TENM3: variants seen among roughly 807,000 people sequenced by gnomAD.
TENM3 encodes teneurin-3.
In TENM3, 63 loss-of-function variants were observed where a neutral mutation model predicts 255.1. The ratio of observed to expected loss-of-function variants is 0.25; its 90% confidence interval spans 0.20 to 0.30. The LOEUF (loss-of-function observed/expected upper bound fraction) is 0.30. Among genes scored for constraint, TENM3 ranks in the 10% least tolerant of loss-of-function variants. The pLI is 1.00. For synonymous variants in TENM3, 1,306 were observed against 1,322.3 expected, an observed-to-expected ratio of 0.99 and a Z score of 0.27; for missense variants, 2,929 against 3,461.1, an observed-to-expected ratio of 0.85 and a Z score of 3.86.
chr4:181,566,230 A>G, the TENM3 span, among the ~76,000 whole-genome samples: 7 of 152,310 alleles, frequency 4.6e-5, no homozygotes, highest in Middle Eastern at 3.4e-3. Flanking sequence ...GAAATTGTTG[A>G]TCAGGAAATT....
the TENM3 span, among the ~76,000 whole-genome samples, chr4:181,840,876 G>A: frequency 6.6e-6 from 1 of 152,086 alleles, no homozygotes; most frequent in Non-Finnish European, 1.5e-5. Flanking sequence ...CAGTTACTTT[G>A]CTGGTTTCCA....
the TENM3 span, among the ~76,000 whole-genome samples, chr4:181,676,616 T>C: frequency 6.6e-6 from 1 of 152,094 alleles, no homozygotes; most frequent in Admixed American, 6.6e-5. Flanking sequence ...ATGGATCATA[T>C]CTTCATTACT....
intron 5 of TENM3, among the ~76,000 whole-genome samples, chr4:182,633,063 G>A (rs1751527906): frequency 6.6e-6 from 1 of 152,022 alleles, no homozygotes; most frequent in Non-Finnish European, 1.5e-5. Flanking sequence ...CCTAGTAGCT[G>A]GGACTACAGG....
At chr4:182,095,100 C>G in the TENM3 span, among the ~76,000 whole-genome samples, 1 of 152,078 alleles carries the variant, frequency 6.6e-6, no homozygotes, top group African/African-American at 2.4e-5. Context: ...TGTACAGCCA[C>G]GTGGAAAACA....
chr4:182,584,284 A>T (rs1560960050), intron 3 of TENM3, among the ~76,000 whole-genome samples: 1 of 152,222 alleles, frequency 6.6e-6, no homozygotes, highest in African/African-American at 2.4e-5. Flanking sequence ...GAACTATGAC[A>T]ACATGACATT....
intron 6 of TENM3, among the ~76,000 whole-genome samples, chr4:182,654,884 T>A (rs1172919346): frequency 6.6e-6 from 1 of 152,198 alleles, no homozygotes; most frequent in Non-Finnish European, 1.5e-5. Context: ...GATAATACTT[T>A]ATGACATTCT....
chr4:182,611,561 A>C (rs1035434624), intron 4 of TENM3, among the ~76,000 whole-genome samples: 2 of 152,162 alleles, frequency 1.3e-5, no homozygotes, highest in Non-Finnish European at 2.9e-5. Context: ...TTACATTTTT[A>C]CATTTTAAGT....
At chr4:182,235,123 G>A (rs1001013487) in intron 1 of TENM3, among the ~76,000 whole-genome samples, 1 of 152,130 alleles carries the variant, frequency 6.6e-6, no homozygotes, top group African/African-American at 2.4e-5. Context: ...GGACCTCACT[G>A]GAAGCCAGTG....
the TENM3 span, among the ~76,000 whole-genome samples, chr4:181,884,208 C>A: frequency 6.6e-6 from 1 of 152,072 alleles, no homozygotes; most frequent in Admixed American, 6.6e-5. Context: ...GGTCTCCTGT[C>A]TTGAATATCT....
the TENM3 span, among the ~76,000 whole-genome samples, chr4:182,089,251 C>T: frequency 6.6e-6 from 1 of 152,274 alleles, no homozygotes; most frequent in African/African-American, 2.4e-5. Context: ...AACAGGTAAT[C>T]TTAGGCACAG....
Position 182,730,192 on chromosome 4 carries a change from T to G in TENM3, c.2586-8T>G. On this transcript the variant is annotated splice_region_variant and splice_polypyrimidine_tract_variant and intron_variant, in intron 14 of 27. Coordinates refer to ENST00000511685, the MANE Select transcript of TENM3 (RefSeq NM_001080477.4). ...ATGTTCATTCTCATTCTTCTGCTTT[T>G]CCAACAGCCTTGCATCTGTCATCAG... is the stretch of plus-strand genomic sequence containing the variant. 7.4e-6 allele frequency: 12 copies of G among 1,613,634 alleles called. No homozygotes were observed. The highest frequency in any genetic ancestry group is 1.0e-5 in the Non-Finnish European group (12 of 1,179,724).
At chr4:181,450,140 C>T in the TENM3 span, among the ~76,000 whole-genome samples, 13 of 152,008 alleles carry the variant, frequency 8.6e-5, no homozygotes, top group Admixed American at 8.5e-4. Context: ...AAACTTAAGC[C>T]CTTGAAAGTT....
chr4:182,511,185 C>A (rs1338312204), intron 3 of TENM3, among the ~76,000 whole-genome samples: 1 of 152,154 alleles, frequency 6.6e-6, no homozygotes, highest in African/African-American at 2.4e-5. Context: ...CCATTTATGA[C>A]AGCAGGAGGC....
the TENM3 span, among the ~76,000 whole-genome samples, chr4:181,565,702 T>A: frequency 6.6e-6 from 1 of 152,216 alleles, no homozygotes; most frequent in African/African-American, 2.4e-5. Context: ...TATTATCATG[T>A]TTGTGATTTT....
the TENM3 span, among the ~76,000 whole-genome samples, chr4:181,998,773 T>C: frequency 1.3e-5 from 2 of 152,158 alleles, no homozygotes; most frequent in African/African-American, 4.8e-5. Flanking sequence ...TTTCCTTCCT[T>C]ATTATGACAA....
intron 3 of TENM3, among the ~76,000 whole-genome samples, chr4:182,412,229 ACTGGATGTGTAATACAC>A (rs1770035896): frequency 6.6e-6 from 1 of 152,092 alleles, no homozygotes; most frequent in African/African-American, 2.4e-5. Context: ...AGACTTGGAG[ACTGGATGTGTAATACAC>A]CCAGGTTCAT....
intron 1 of TENM3, among the ~76,000 whole-genome samples, chr4:182,321,207 G>A (rs116601493): frequency 0.011 from 1,706 of 152,282 alleles, 34 homozygotes; most frequent in African/African-American, 0.039. Context: ...CTGTCAGAAA[G>A]AATGTACCTG....
At chr4:181,962,717 CA>C in the TENM3 span, among the ~76,000 whole-genome samples, 1 of 152,186 alleles carries the variant, frequency 6.6e-6, no homozygotes, top group Non-Finnish European at 1.5e-5. Context: ...CCTACAGTCA[CA>C]GCCAAGTATG....
At chr4:182,529,812 A>G (rs1312711144) in intron 3 of TENM3, among the ~76,000 whole-genome samples, 1 of 152,224 alleles carries the variant, frequency 6.6e-6, no homozygotes, top group African/African-American at 2.4e-5. Flanking sequence ...GTGTAGTTAC[A>G]GAGAAAAGTC....
Sources: gnomAD v4.1 joint callset for allele counts (sites outside exome capture counted in the v4.1 genomes callset) on GRCh38, gnomAD v4.1.1 for gene constraint, MANE v1.5 for transcripts, NCBI Gene and HGNC (gene_info 2026-07-23, HGNC 2026-07-21) for gene names.